Variants in MAPK10 observed in about 807,000 individuals in gnomAD.
MAPK10 encodes the protein mitogen-activated protein kinase 10.
In MAPK10, 25 loss-of-function variants were observed where a neutral mutation model predicts 59.3. The observed-to-expected ratio is 0.42, with a 90% CI of 0.31 to 0.59. The LOEUF is 0.59. Among genes scored for constraint, MAPK10 ranks in the 20% least tolerant of loss-of-function variants. The pLI is 0.15. For synonymous variants in MAPK10, 190 were observed against 200.5 expected (o/e 0.95, Z 0.44); for missense variants, 351 against 568.9 (o/e 0.62, Z 3.90).
At chr4:86,128,472 T>C (rs1299839336) in intron 4 of MAPK10, among the ~76,000 whole-genome samples, 1 of 152,060 alleles carries the variant, frequency 6.6e-6, no homozygotes, top group East Asian at 1.9e-4. Context: ...CCTTTGCTGG[T>C]CTCTCATTCT....
intron 9 of MAPK10, among the ~76,000 whole-genome samples, chr4:86,085,180 G>T (rs1015526050): frequency 3.3e-4 from 50 of 152,240 alleles, no homozygotes; most frequent in East Asian, 1.5e-3. Flanking sequence ...CTAGGACAGT[G>T]GTCAGGGCAA....
intron 2 of MAPK10, among the ~76,000 whole-genome samples, chr4:86,280,125 G>A (rs1258469158): frequency 6.6e-6 from 1 of 152,084 alleles, no homozygotes; most frequent in Non-Finnish European, 1.5e-5. Flanking sequence ...CCTAATTAAA[G>A]ATCTGCAGAA....
At chr4:86,205,967 T>C (rs550134644) in intron 2 of MAPK10, among the ~76,000 whole-genome samples, 4 of 152,144 alleles carry the variant, frequency 2.6e-5, no homozygotes, top group Non-Finnish European at 4.4e-5. Context: ...GCAAATGAAA[T>C]GAAATTTTTA....
At chr4:86,515,692 T>C (rs1487284582) in intron 1 of MAPK10, among the ~76,000 whole-genome samples, 1 of 152,158 alleles carries the variant, frequency 6.6e-6, no homozygotes, top group Non-Finnish European at 1.5e-5. Context: ...TATTTGTTTT[T>C]TTTCTTGCTG....
intron 9 of MAPK10, chr4:86,091,282 T>C (rs1031461135): frequency 6.6e-6 from 1 of 151,556 alleles, no homozygotes; most frequent in African/African-American, 2.4e-5. Context: ...TTTACATCTA[T>C]AATAAAGAAA....
At chr4:86,371,164 C>A (rs186566110) in intron 1 of MAPK10, among the ~76,000 whole-genome samples, 11 of 152,278 alleles carry the variant, frequency 7.2e-5, no homozygotes, top group Non-Finnish European at 1.5e-4. Flanking sequence ...CAAATACTAC[C>A]TTATGATAAG....
intron 2 of MAPK10, among the ~76,000 whole-genome samples, chr4:86,299,159 A>C (rs1270478240): frequency 2.0e-5 from 3 of 152,218 alleles, no homozygotes; most frequent in Non-Finnish European, 4.4e-5. Context: ...AGCAGTAAAA[A>C]AAGCCTTGTT....
At chr4:86,339,471 C>T (rs183570768) in intron 2 of MAPK10, among the ~76,000 whole-genome samples, 73 of 152,184 alleles carry the variant, frequency 4.8e-4, no homozygotes, top group Middle Eastern at 6.8e-3. Flanking sequence ...TTTATCTGAC[C>T]GTATTAATAG....
intron 1 of MAPK10, among the ~76,000 whole-genome samples, chr4:86,554,487 A>C (rs1565034948): frequency 6.6e-6 from 1 of 152,124 alleles, no homozygotes; most frequent in Non-Finnish European, 1.5e-5. Flanking sequence ...CAACATCCTC[A>C]AGTTTCCCAA....
intron 1 of MAPK10, among the ~76,000 whole-genome samples, chr4:86,421,309 T>C (rs1388363628): frequency 6.6e-6 from 1 of 152,160 alleles, no homozygotes; most frequent in Non-Finnish European, 1.5e-5. Flanking sequence ...ACTGTGCAGC[T>C]ATTCACATTT....
chr4:86,050,518 T>TGGG (rs2043309947), intron 11 of MAPK10, among the ~76,000 whole-genome samples: 1 of 152,124 alleles, frequency 6.6e-6, no homozygotes, highest in South Asian at 2.1e-4. Flanking sequence ...CTCCACACTC[T>TGGG]GTAACTCTTG....
At chr4:86,163,943 T>G (rs1186204027) in intron 3 of MAPK10, among the ~76,000 whole-genome samples, 2 of 152,172 alleles carry the variant, frequency 1.3e-5, no homozygotes, top group African/African-American at 4.8e-5. Context: ...CCCACATTAT[T>G]GATCTTCTCC....
intron 2 of MAPK10, among the ~76,000 whole-genome samples, chr4:86,288,704 A>G (rs895491084): frequency 6.6e-6 from 1 of 152,138 alleles, no homozygotes; most frequent in Non-Finnish European, 1.5e-5. Context: ...TCAGAGATTA[A>G]TGTTAAAGTC....
At chr4:86,570,462 A>G (rs1176954335) in intron 1 of MAPK10, among the ~76,000 whole-genome samples, 2 of 152,080 alleles carry the variant, frequency 1.3e-5, no homozygotes, top group African/African-American at 4.8e-5. Context: ...ATAATACTCA[A>G]TATTATAATT....
At chr4:86,312,601 G>T (rs184443291) in intron 2 of MAPK10, among the ~76,000 whole-genome samples, 1 of 152,054 alleles carries the variant, frequency 6.6e-6, no homozygotes, top group Non-Finnish European at 1.5e-5. Flanking sequence ...TTCTCTCAGA[G>T]TTAATGATTT....
chr4:86,476,022 T>C (rs1753063586), intron 1 of MAPK10, among the ~76,000 whole-genome samples: 1 of 152,290 alleles, frequency 6.6e-6, no homozygotes, highest in Non-Finnish European at 1.5e-5. Flanking sequence ...AAGATCTAGA[T>C]AATTCTTATC....
chr4:86,250,966 C>T (rs796868249), intron 2 of MAPK10, among the ~76,000 whole-genome samples: 13 of 152,084 alleles, frequency 8.5e-5, no homozygotes, highest in African/African-American at 2.2e-4. Context: ...TTGCTTTGAA[C>T]CAACTAGCCA....
chr4:86,320,377 C>T (rs2095865650), intron 2 of MAPK10, among the ~76,000 whole-genome samples: 2 of 152,280 alleles, frequency 1.3e-5, no homozygotes, highest in East Asian at 1.9e-4. Flanking sequence ...AGTGATAGAA[C>T]TTGATTCACA....
At chr4:86,112,158 A>AC (rs929005032) in intron 4 of MAPK10, among the ~76,000 whole-genome samples, 21 of 151,802 alleles carry the variant, frequency 1.4e-4, no homozygotes, top group African/African-American at 4.3e-4. Flanking sequence ...CAAAAAAAAA[A>AC]AACCAGCTCC....
Sources: gnomAD v4.1 joint callset for allele counts (sites outside exome capture counted in the v4.1 genomes callset) on GRCh38, gnomAD v4.1.1 for gene constraint, MANE v1.5 for transcripts, NCBI Gene and HGNC (gene_info 2026-07-23, HGNC 2026-07-21) for gene names.